Variants in ZNF366 observed in about 807,000 individuals in gnomAD.
ZNF366 encodes zinc finger protein 366.
In ZNF366, 20 loss-of-function variants were observed where a neutral mutation model predicts 47.2. The observed-to-expected ratio is 0.42, with a 90% CI of 0.30 to 0.62. The LOEUF is 0.62. Ranked by LOEUF, ZNF366 falls within the 20% of genes least tolerant of loss-of-function variation. ZNF366 has a pLI of 0.16. For synonymous variants in ZNF366, 421 were observed against 395.1 expected (o/e 1.07, Z -0.78); for missense variants, 987 against 976.3 (o/e 1.01, Z -0.15).
intron 1 of ZNF366, among the ~76,000 whole-genome samples, chr5:72,488,214 G>GA (rs144363697): frequency 0.18 from 24,799 of 138,420 alleles, 2,420 homozygotes; most frequent in East Asian, 0.39. Flanking sequence ...CCATCTGAAA[G>GA]AAAAAAAAAA....
chr5:72,464,053 C>A (rs778041838), intron 1 of ZNF366, among the ~76,000 whole-genome samples: 1 of 152,056 alleles, frequency 6.6e-6, no homozygotes, highest in Non-Finnish European at 1.5e-5. Flanking sequence ...TATGGCAAAC[C>A]ATTGCAGAGC....
intron 2 of ZNF366, among the ~76,000 whole-genome samples, chr5:72,458,755 T>A (rs1298304714): frequency 6.6e-6 from 1 of 152,238 alleles, no homozygotes; most frequent in Non-Finnish European, 1.5e-5. Context: ...GTGAAACACC[T>A]GTCATATAGC....
At chr5:72,494,685 A>G (rs942043012) in intron 1 of ZNF366, among the ~76,000 whole-genome samples, 1 of 151,270 alleles carries the variant, frequency 6.6e-6, no homozygotes, top group Non-Finnish European at 1.5e-5. Flanking sequence ...TTCACAGATA[A>G]TTGTCTGGAT....
intron 1 of ZNF366, among the ~76,000 whole-genome samples, chr5:72,501,841 GT>G (rs1473380695): frequency 2.0e-5 from 3 of 152,204 alleles, no homozygotes; most frequent in African/African-American, 7.2e-5. Flanking sequence ...TCTTTTCTGT[GT>G]ATCTATCTGA....
chr5:72,450,470 T>C (rs1743043794), intron 3 of ZNF366, among the ~76,000 whole-genome samples: 1 of 152,190 alleles, frequency 6.6e-6, no homozygotes, highest in African/African-American at 2.4e-5. Context: ...ACTACACATA[T>C]GGTACACTTC....
rs780041356 is a variant in ZNF366, at chr5:72,447,288, T to C, written c.1654A>G (p.Met552Val). The change falls in exon 4 of 5, where the codon ATG becomes GTG. Residue 552 changes from methionine to valine, a missense_variant. This residue lies in a region of ZNF366 where 111 missense variants were observed against 180.5 expected (regional missense o/e 0.61). Coordinates refer to ENST00000318442, the MANE Select transcript of ZNF366 (RefSeq NM_152625.3). The stretch of plus-strand genomic sequence containing the variant: ...TCCATGACTCCATGCTTGACTTTCA[T>C]GTGGCGTGTCAGGTTCCCCTTCAGG... ...FTLKGNLTRH[M>V]KVKHGVMERG... is the part of the protein sequence containing the mutation. The C allele has an allele frequency of 9.9e-6, 16 of 1,614,096 alleles. No individual in the cohort carries two copies. The highest frequency in any genetic ancestry group is 1.3e-5 in the African/African-American group (1 of 74,912).
intron 3 of ZNF366, among the ~76,000 whole-genome samples, chr5:72,448,299 G>T (rs1055623314): frequency 6.6e-6 from 1 of 152,022 alleles, no homozygotes; most frequent in Admixed American, 6.6e-5. Flanking sequence ...TTTCTTTCTC[G>T]TCATTCTCTC....
chr5:72,471,366 T>C (rs1743559356), intron 1 of ZNF366, among the ~76,000 whole-genome samples: 1 of 152,228 alleles, frequency 6.6e-6, no homozygotes. Context: ...TTTTTTTCTA[T>C]TGATTCTGCT....
chr5:72,474,971 A>G (rs1743644705), intron 1 of ZNF366, among the ~76,000 whole-genome samples: 1 of 152,202 alleles, frequency 6.6e-6, no homozygotes, highest in Non-Finnish European at 1.5e-5. Flanking sequence ...GGGGTAGCAT[A>G]AAAGAATTGT....
In ZNF366 at chr5:72,443,455, A is replaced by C. The variant is rs753818368; in HGVS notation, c.*301T>G. On this transcript the variant is annotated 3_prime_UTR_variant, in exon 5 of 5. Transcript: ENST00000318442. Reference sequence around the variant, plus strand: ...TGCATATGAATCAAAGGAAAGTAGAATTTCTAAAAGCACCTCAGCATCAGC... The same window carrying C: ...TGCATATGAATCAAAGGAAAGTAGACTTTCTAAAAGCACCTCAGCATCAGC... 4 of 275,820 alleles carry C rather than the reference A, an allele frequency of 1.5e-5. No individual in the cohort carries two copies. Among genetic ancestry groups the C allele is most frequent in the Non-Finnish European group, 2.7e-5 (4 of 147,450 alleles). The allele number at this position is 275,820 out of a possible 1,614,324, so 17.1% of individuals were successfully genotyped here. A position where few individuals can be genotyped will look rare whatever the true frequency, so the allele number is the denominator to read the frequency against.
chr5:72,447,169 C>T, intron 4 of ZNF366, 74 bp downstream of exon 4: 1 of 1,537,560 alleles, frequency 6.5e-7, no homozygotes, highest in Non-Finnish European at 8.9e-7. Context: ...CAAGGTAATG[C>T]CCCATAAAAC....
At chr5:72,471,586 T>G (rs1165312650) in intron 1 of ZNF366, among the ~76,000 whole-genome samples, 1 of 152,202 alleles carries the variant, frequency 6.6e-6, no homozygotes, top group East Asian at 1.9e-4. Flanking sequence ...GTTCCCATCA[T>G]AGTCTATGGG....
At chr5:72,478,142 G>A (rs1425632568) in intron 1 of ZNF366, among the ~76,000 whole-genome samples, 1 of 152,130 alleles carries the variant, frequency 6.6e-6, no homozygotes, top group Non-Finnish European at 1.5e-5. Context: ...CTCCAAGGGC[G>A]TCATGGCTCC....
intron 1 of ZNF366, among the ~76,000 whole-genome samples, chr5:72,465,033 G>A (rs1357252382): frequency 1.3e-5 from 2 of 151,970 alleles, no homozygotes; most frequent in Non-Finnish European, 2.9e-5. Flanking sequence ...ACTCTAGTCT[G>A]GGTGACAGAG....
chr5:72,443,184 A>C lies in ZNF366; in HGVS notation c.*572T>G, dbSNP rs960405667. On this transcript the variant is annotated 3_prime_UTR_variant, in exon 5 of 5. Transcript: ENST00000318442. ...TCACCAGTTTCCCTTAGTCAAAATT[A>C]TTCTTCTCCTGAAATTTTACCTTAT... The C allele has an allele frequency of 3.3e-5, 5 of 152,266 alleles. No individual in the cohort carries two copies. Among genetic ancestry groups the C allele is most frequent in the African/African-American group, 9.7e-5 (4 of 41,450 alleles). The allele number at this position is 152,266 out of a possible 1,614,324, so 9.4% of individuals were successfully genotyped here.
At chr5:72,449,636 G>C (rs1014966110) in intron 3 of ZNF366, among the ~76,000 whole-genome samples, 7 of 152,300 alleles carry the variant, frequency 4.6e-5, no homozygotes, top group Admixed American at 3.3e-4. Context: ...GATGGTTCCT[G>C]GTTATTTGGA....
chr5:72,500,463 T>A (rs1292374448), intron 1 of ZNF366, among the ~76,000 whole-genome samples: 1 of 152,104 alleles, frequency 6.6e-6, no homozygotes, highest in African/African-American at 2.4e-5. Context: ...GTAACTCTGA[T>A]GATTGGTGCT....
intron 1 of ZNF366, among the ~76,000 whole-genome samples, chr5:72,499,567 C>T (rs1160902599): frequency 6.7e-6 from 1 of 149,486 alleles, no homozygotes; most frequent in Admixed American, 6.7e-5. Flanking sequence ...TCTTTGGTAC[C>T]CTAAAAATGT....
intron 3 of ZNF366, among the ~76,000 whole-genome samples, chr5:72,449,445 C>T (rs1240912873): frequency 1.3e-5 from 2 of 152,146 alleles, no homozygotes; most frequent in African/African-American, 4.8e-5. Flanking sequence ...CCATGTTGGC[C>T]AGGCCGGTCC....
Sources: allele counts gnomAD v4.1 joint callset (sites outside exome capture counted in the v4.1 genomes callset), GRCh38; gene constraint gnomAD v4.1.1; regional missense constraint gnomAD v4.1.1; transcripts MANE v1.5; gene names NCBI Gene and HGNC (gene_info 2026-07-23, HGNC 2026-07-21).